MCC: variants seen among roughly 807,000 people sequenced by gnomAD.
MCC encodes the protein colorectal mutant cancer protein.
MCC carries 90 observed loss-of-function variants against 116.2 expected under a neutral mutation model. That is an observed-to-expected ratio of 0.77 (90% CI 0.65 to 0.92). The LOEUF (loss-of-function observed/expected upper bound fraction) is 0.92, where lower values mean the gene tolerates loss of function less well. Among genes scored for constraint, MCC ranks in the 40% least tolerant of loss-of-function variants. The pLI is 0.00. For synonymous variants in MCC, 578 were observed against 510.5 expected, an observed-to-expected ratio of 1.13 and a Z score of -1.78; for missense variants, 1,516 against 1,312.2, an observed-to-expected ratio of 1.16 and a Z score of -2.40.
At chr5:113,290,047 G>A (rs910589770) in intron 3 of MCC, among the ~76,000 whole-genome samples, 4 of 152,166 alleles carry the variant, frequency 2.6e-5, no homozygotes, top group African/African-American at 9.7e-5. Flanking sequence ...ATGATGAACA[G>A]CACAGCTGCG....
chr5:113,485,360 A>G (rs1054517036), intron 1 of MCC, among the ~76,000 whole-genome samples: 2 of 152,188 alleles, frequency 1.3e-5, no homozygotes, highest in African/African-American at 2.4e-5. Context: ...TGCCCACCCA[A>G]TATCTATTTC....
chr5:113,413,356 C>G (rs2150403721), intron 1 of MCC, among the ~76,000 whole-genome samples: 2 of 152,240 alleles, frequency 1.3e-5, no homozygotes, highest in East Asian at 3.9e-4. Context: ...GTACCAGCTC[C>G]TCTTTGTACC....
chr5:113,119,387 G>T (rs114555004), intron 6 of MCC, among the ~76,000 whole-genome samples: 1,523 of 152,298 alleles, frequency 0.01, 30 homozygotes, highest in African/African-American at 0.035. Flanking sequence ...GGGGGGCCTT[G>T]GTGGAGACAG....
At chr5:113,451,501 G>A (rs999235831) in intron 1 of MCC, among the ~76,000 whole-genome samples, 6 of 152,312 alleles carry the variant, frequency 3.9e-5, no homozygotes, top group South Asian at 2.1e-4. Context: ...TTGGGAGGCC[G>A]AGGCGGGCGG....
rs183595746 is a variant in MCC, at chr5:113,361,859, T to C, written c.416-21129A>G. Among the ~76,000 whole-genome samples the C allele has an allele frequency of 6.7e-4, 102 of 152,332 alleles. 1 individual carries two copies. In the East Asian group the frequency reaches 0.016, roughly 24 times the overall value. On this transcript the variant is annotated intron_variant, in intron 2 of 18. Coordinates refer to ENST00000408903, the MANE Select transcript of MCC (RefSeq NM_001085377.2). ...TCTGGGTTCTTTGGCCTTGGGACTCTTGGACTTCCACCAGCAACCCCTCTG... is the reference window on the plus strand; with the variant it reads ...TCTGGGTTCTTTGGCCTTGGGACTCCTGGACTTCCACCAGCAACCCCTCTG...
At chr5:113,233,703 A>T (rs1319858661) in intron 3 of MCC, among the ~76,000 whole-genome samples, 1 of 152,208 alleles carries the variant, frequency 6.6e-6, no homozygotes, top group Non-Finnish European at 1.5e-5. Context: ...AGAAACATTT[A>T]GTATTAAATC....
At chr5:113,154,325 C>G (rs1230184763) in intron 3 of MCC, among the ~76,000 whole-genome samples, 1 of 152,210 alleles carries the variant, frequency 6.6e-6, no homozygotes, top group African/African-American at 2.4e-5. Flanking sequence ...AAATATGTCT[C>G]TTACTGTTAC....
intron 3 of MCC, among the ~76,000 whole-genome samples, chr5:113,247,163 T>C (rs1764612992): frequency 6.6e-6 from 1 of 152,236 alleles, no homozygotes; most frequent in East Asian, 1.9e-4. Flanking sequence ...GGGCGTATAC[T>C]TGAAAACATA....
At position 113,276,467 on chromosome 5, in the gene MCC, CCT is replaced by C. The variant is rs367744643; in HGVS notation, c.627+64050_627+64051del. ...TTCATTTACACTATTTTCCCTCTCT[CCT>C]CCCCCACTTTCCTTCCTTTGATCTG... On this transcript the variant is annotated intron_variant, in intron 3 of 18. Transcript: ENST00000408903. 5.5e-3 allele frequency among the ~76,000 whole-genome samples: 831 copies of C among 152,248 alleles called. 6 individuals are homozygous for C. The highest frequency in any genetic ancestry group is 0.019 in the African/African-American group (793 of 41,546).
At chr5:113,222,407 G>C (rs1046373770) in intron 3 of MCC, among the ~76,000 whole-genome samples, 1 of 152,080 alleles carries the variant, frequency 6.6e-6, no homozygotes, top group East Asian at 1.9e-4. Context: ...TCTGATTTTG[G>C]CATTAAGGTA....
intron 17 of MCC, among the ~76,000 whole-genome samples, chr5:113,039,581 A>G (rs1487533977): frequency 1.3e-5 from 2 of 152,208 alleles, no homozygotes. Context: ...CTCATCGGCA[A>G]GCAAGCCCAA....
At chr5:113,277,310 G>C (rs1270385333) in intron 3 of MCC, among the ~76,000 whole-genome samples, 4 of 151,520 alleles carry the variant, frequency 2.6e-5, no homozygotes, top group African/African-American at 9.7e-5. Context: ...AGAGGTTGCA[G>C]TGAGCCGAGA....
chr5:113,292,174 G>C (rs1766523273), intron 3 of MCC, among the ~76,000 whole-genome samples: 1 of 152,174 alleles, frequency 6.6e-6, no homozygotes, highest in Non-Finnish European at 1.5e-5. Context: ...AGAGGTTGCA[G>C]TGAGCCGAGA....
chr5:113,102,677 A>G (rs1756493053), intron 7 of MCC, among the ~76,000 whole-genome samples: 1 of 152,266 alleles, frequency 6.6e-6, no homozygotes. Flanking sequence ...TATTAGGGAA[A>G]AAAGGAAGAA....
At chr5:113,254,706 G>A (rs1764941377) in intron 3 of MCC, among the ~76,000 whole-genome samples, 1 of 152,140 alleles carries the variant, frequency 6.6e-6, no homozygotes, top group South Asian at 2.1e-4. Flanking sequence ...CATCTTTATG[G>A]TGCATTTATA....
At chr5:113,154,622 T>C (rs1466424937) in intron 3 of MCC, among the ~76,000 whole-genome samples, 1 of 152,242 alleles carries the variant, frequency 6.6e-6, no homozygotes, top group Non-Finnish European at 1.5e-5. Flanking sequence ...CACCAGTCTC[T>C]GGCTTATTGG....
chr5:113,237,521 G>C (rs900071047), intron 3 of MCC, among the ~76,000 whole-genome samples: 4 of 152,100 alleles, frequency 2.6e-5, no homozygotes, highest in African/African-American at 9.7e-5. Context: ...GGGATTAGAA[G>C]GTCAGAAAAT....
chr5:113,307,982 T>C (rs1355563459), intron 3 of MCC, among the ~76,000 whole-genome samples: 1 of 152,044 alleles, frequency 6.6e-6, no homozygotes, highest in African/African-American at 2.4e-5. Flanking sequence ...TCCTTTTTTT[T>C]TTTTTCTAAA....
In MCC at chr5:113,434,099, G is replaced by T; in HGVS notation, c.171-48887C>A. 1 of 1,614,224 alleles carries T rather than the reference G, an allele frequency of 6.2e-7. No homozygotes were observed. On this transcript the variant is annotated intron_variant, in intron 1 of 18. Coordinates refer to ENST00000408903, the MANE Select transcript of MCC (RefSeq NM_001085377.2). The surrounding 1 kb of genome is among the most constrained non-coding windows in gnomAD (Gnocchi z 4.2). ...CGGGCTGCAGCATGTGGTAGATGAG[G>T]TCCTTGCACTCGCCTGTCAGGTGCT... is the stretch of plus-strand genomic sequence containing the variant.
Sources: allele counts gnomAD v4.1 joint callset (sites outside exome capture counted in the v4.1 genomes callset), GRCh38; gene constraint gnomAD v4.1.1; non-coding constraint Gnocchi (gnomAD v3.1); transcripts MANE v1.5; gene names NCBI Gene and HGNC (gene_info 2026-07-23, HGNC 2026-07-21).